PLOD2: variants seen among roughly 807,000 people sequenced by gnomAD.
The protein encoded by PLOD2 is lysine hydroxylase 2.
A neutral mutation model predicts 101.0 loss-of-function variants in PLOD2; 65 were observed. The ratio of observed to expected loss-of-function variants is 0.64; its 90% CI spans 0.53 to 0.79. The LOEUF (loss-of-function observed/expected upper bound fraction) is 0.79, where lower values mean the gene tolerates loss of function less well. Among genes scored for constraint, PLOD2 ranks in the 30% least tolerant of loss-of-function variants. The pLI, the probability that PLOD2 is intolerant of heterozygous loss-of-function variation, is 0.00. For synonymous variants in PLOD2, 314 were observed against 302.9 expected (o/e 1.04, Z -0.38); for missense variants, 909 against 914.6 (o/e 0.99, Z 0.08).
chr3:146,110,695 A>C (rs1937614495), intron 3 of PLOD2, among the ~76,000 whole-genome samples: 3 of 152,158 alleles, frequency 2.0e-5, no homozygotes, highest in Admixed American at 2.0e-4. Context: ...TGTTAGCCTT[A>C]ATTTTTTTTT....
At chr3:146,088,315 A>G (rs540293276) in intron 9 of PLOD2, among the ~76,000 whole-genome samples, 1 of 151,752 alleles carries the variant, frequency 6.6e-6, no homozygotes, top group Admixed American at 6.6e-5. Context: ...AATCTCCTTG[A>G]TTATATATTA....
chr3:146,123,672 T>A (rs913610195), intron 2 of PLOD2, among the ~76,000 whole-genome samples: 81 of 152,170 alleles, frequency 5.3e-4, no homozygotes, highest in Non-Finnish European at 1.2e-4. Context: ...AAAAAATCCC[T>A]GCCAAATCTT....
rs1936222646 is a variant in PLOD2 at position 146,073,429 on chromosome 3, G to GA, written c.1678-78dup. Reference sequence around the variant, plus strand: ...AAAAGTATAAAGCATATGCATTTTAGAAATTATTCAACTTATAAATGATTA... The same window carrying GA: ...AAAAGTATAAAGCATATGCATTTTAGAAAATTATTCAACTTATAAATGATTA... On this transcript the variant is annotated intron_variant, in intron 15 of 19. Coordinates refer to ENST00000282903, the MANE Select transcript of PLOD2 (RefSeq NM_182943.3). 2.2e-5 allele frequency: 12 copies of GA among 552,520 alleles called. No homozygotes were observed. In the South Asian group the frequency reaches 2.9e-4, roughly 13 times the overall value. The allele number at this position is 552,520 out of a possible 1,614,324, so 34.2% of individuals were successfully genotyped here. A position where few individuals can be genotyped will look rare whatever the true frequency, so the allele number is the denominator to read the frequency against.
chr3:146,132,413 A>C (rs1048707791), intron 1 of PLOD2, among the ~76,000 whole-genome samples: 5 of 152,194 alleles, frequency 3.3e-5, no homozygotes, highest in Non-Finnish European at 5.9e-5. Flanking sequence ...ATAAGGTCCA[A>C]TACTAACTAG....
At chr3:146,088,892 CCAAT>C (rs1220075283) in intron 8 of PLOD2, 181 bp from the exon 9 acceptor site, 3 of 576,114 alleles carry the variant, frequency 5.2e-6, no homozygotes, top group Non-Finnish European at 9.3e-6. Flanking sequence ...TGTGGCCCCC[CCAAT>C]CAAAGTGATT....
chr3:146,125,572 C>T (rs1212194091), intron 1 of PLOD2, among the ~76,000 whole-genome samples: 1 of 151,830 alleles, frequency 6.6e-6, no homozygotes, highest in Non-Finnish European at 1.5e-5. Flanking sequence ...CATGGTGAAA[C>T]CTCATCTCTA....
intron 1 of PLOD2, among the ~76,000 whole-genome samples, chr3:146,147,695 G>C (rs1301154380): frequency 2.6e-5 from 4 of 152,166 alleles, no homozygotes; most frequent in Non-Finnish European, 5.9e-5. Context: ...ACCATAGGCT[G>C]AAAGTCATAG....
intron 7 of PLOD2, among the ~76,000 whole-genome samples, chr3:146,094,538 G>A (rs1350296773): frequency 3.3e-5 from 5 of 152,114 alleles, no homozygotes; most frequent in Non-Finnish European, 7.4e-5. Context: ...GGACGTGAAG[G>A]ATCTCTTCAA....
intron 11 of PLOD2, among the ~76,000 whole-genome samples, chr3:146,083,404 C>T (rs1936631612): frequency 6.6e-6 from 1 of 152,106 alleles, no homozygotes; most frequent in South Asian, 2.1e-4. Flanking sequence ...AATCTTGCAA[C>T]ATTCCTGGCA....
At position 146,110,447 on chromosome 3, in the gene PLOD2, A is replaced by T. The variant is rs376517611; in HGVS notation, c.340T>A (p.Phe114Ile). 37 of 1,605,916 alleles carry T rather than the reference A, an allele frequency of 2.3e-5. No individual in the cohort carries two copies. Among genetic ancestry groups the T allele is most frequent in the Non-Finnish European group, 3.0e-5 (35 of 1,176,904 alleles). ...GGACCACCAGCAAATATGACATCAA[A>T]GCTGTTCAATGAGGAAAAAATGTGT... is the stretch of plus-strand genomic sequence containing the variant. The part of the protein sequence containing the change: ...DDLVVMFTEC[F>I]DVIFAGGPEE... Residue 114 changes from phenylalanine to isoleucine, a missense_variant and splice_region_variant, in exon 4 of 20, where the codon TTT becomes ATT. Transcript: ENST00000282903.
rs185977518 is a variant in PLOD2 at position 146,143,538 on chromosome 3, A to G, written c.109+17343T>C. Among the ~76,000 whole-genome samples the G allele has an allele frequency of 3.3e-5, 5 of 152,116 alleles. No individual in the cohort carries two copies. In the East Asian group the frequency reaches 9.7e-4, roughly 30 times the overall value. The stretch of plus-strand genomic sequence containing the variant: ...CTAGGCACCATCCTCTTCTCCCTAG[A>G]CTACTGAAATCATCTCTTAAAGAAT... On this transcript the variant is annotated intron_variant, in intron 1 of 19. Coordinates refer to ENST00000282903, the MANE Select transcript of PLOD2 (RefSeq NM_182943.3).
intron 3 of PLOD2, among the ~76,000 whole-genome samples, chr3:146,119,562 A>C (rs942442453): frequency 6.6e-6 from 1 of 151,962 alleles, no homozygotes; most frequent in Non-Finnish European, 1.5e-5. Flanking sequence ...ATTTAACATT[A>C]GGTATATCTC....
At position 146,104,240 on chromosome 3, in the gene PLOD2, G is replaced by C. The variant is rs1336558737; in HGVS notation, c.679+39C>G. On this transcript the variant is annotated intron_variant, in intron 6 of 19. Coordinates refer to ENST00000282903, the MANE Select transcript of PLOD2 (RefSeq NM_182943.3). ...AAGATAGTTGAAAACACAGGTGTTTGTTTGTATACGTAAGCAATCCGGTAT... is the reference window on the plus strand; with the variant it reads ...AAGATAGTTGAAAACACAGGTGTTTCTTTGTATACGTAAGCAATCCGGTAT... The C allele has an allele frequency of 5.1e-6, 6 of 1,177,192 alleles. No homozygotes were observed. In the South Asian group the frequency reaches 6.1e-5, roughly 12 times the overall value. 72.9% of individuals were successfully genotyped at this position (1,177,192 alleles called of 1,614,324 possible). A position where few individuals can be genotyped will look rare whatever the true frequency, so the allele number is the denominator to read the frequency against.
intron 1 of PLOD2, among the ~76,000 whole-genome samples, chr3:146,149,911 A>G (rs1027161935): frequency 1.3e-5 from 2 of 152,080 alleles, no homozygotes; most frequent in Admixed American, 1.3e-4. Context: ...ATCCACCTGG[A>G]AACAGTAGGA....
intron 1 of PLOD2, among the ~76,000 whole-genome samples, chr3:146,148,196 T>C (rs2031874812): frequency 6.6e-6 from 1 of 151,958 alleles, no homozygotes; most frequent in African/African-American, 2.4e-5. Flanking sequence ...CAAAGGTGAA[T>C]TTGGATAGGT....
chr3:146,077,572 C>T (rs1005277516), intron 14 of PLOD2: 4 of 295,124 alleles, frequency 1.4e-5, no homozygotes, highest in South Asian at 6.5e-5. Context: ...ACCCTCTTCT[C>T]TCCCTTTAAA....
chr3:146,095,573 A>G (rs1297635754), intron 7 of PLOD2, among the ~76,000 whole-genome samples: 1 of 152,126 alleles, frequency 6.6e-6, no homozygotes, highest in Non-Finnish European at 1.5e-5. Flanking sequence ...GCTGGTGAGG[A>G]TACGGAGAAA....
At position 146,070,653 on chromosome 3, in the gene PLOD2, C is replaced by T; in HGVS notation, c.*64G>A. 1 of 1,103,238 alleles carries T rather than the reference C, an allele frequency of 9.1e-7. No individual in the cohort carries two copies. Among genetic ancestry groups the T allele is most frequent in the Non-Finnish European group, 1.4e-6 (1 of 731,038 alleles). 68.3% of individuals were successfully genotyped at this position (1,103,238 alleles called of 1,614,324 possible). ...CCTCTCATCTTCTCAGCCACAACTTCAAAGACGTGTTCATGCCAGTCATTC... is the reference window on the plus strand; with the variant it reads ...CCTCTCATCTTCTCAGCCACAACTTTAAAGACGTGTTCATGCCAGTCATTC... On this transcript the variant is annotated 3_prime_UTR_variant, in exon 20 of 20. Coordinates refer to ENST00000282903, the MANE Select transcript of PLOD2 (RefSeq NM_182943.3).
At chr3:146,074,718 A>G (rs1342518247) in intron 15 of PLOD2, among the ~76,000 whole-genome samples, 5 of 151,438 alleles carry the variant, frequency 3.3e-5, no homozygotes, top group Admixed American at 1.3e-4. Flanking sequence ...AGTAAAAAAA[A>G]AAATCCCCTA....
Sources: gnomAD v4.1 joint callset for allele counts (sites outside exome capture counted in the v4.1 genomes callset) on GRCh38, gnomAD v4.1.1 for gene constraint, MANE v1.5 for transcripts, NCBI Gene and HGNC (gene_info 2026-07-23, HGNC 2026-07-21) for gene names.